Variants in PCDHGA1 observed in about 807,000 individuals in gnomAD.
PCDHGA1 encodes the protein protocadherin gamma subfamily A, 1, also known as protocadherin gamma-A1.
In PCDHGA1, 32 loss-of-function variants were observed where a neutral mutation model predicts 58.0. The observed-to-expected ratio is 0.55, with a 90% confidence interval of 0.42 to 0.74. The LOEUF (loss-of-function observed/expected upper bound fraction) is 0.74. Ranked by LOEUF, PCDHGA1 falls within the 30% of genes least tolerant of loss-of-function variation. PCDHGA1 has a pLI of 0.00. For synonymous variants in PCDHGA1, 498 were observed against 501.1 expected (o/e 0.99, Z 0.08); for missense variants, 1,205 against 1,182.3 (o/e 1.02, Z -0.28).
At chr5:141,482,840 G>A (rs1343123459) in intron 1 of PCDHGA1, among the ~76,000 whole-genome samples, 2 of 152,212 alleles carry the variant, frequency 1.3e-5, no homozygotes, top group Admixed American at 6.5e-5. Context: ...GGGAGGCCAA[G>A]GTGGGCAGAT....
At position 141,332,145 on chromosome 5, in the gene PCDHGA1, C is replaced by T. The variant is rs1292471123; in HGVS notation, c.1461C>T (p.Ile487=). ...TGGACAGCAATGAGAATGCACAAAT[C>T]ACTTACTCCCTAATAGAGGACACTA... The part of the protein sequence containing the change: ...HDLDSNENAQ[I]TYSLIEDTIQ... The change falls in exon 1 of 4, where the codon ATC becomes ATT. Residue 487 remains isoleucine, a synonymous_variant. Coordinates refer to ENST00000517417, the MANE Select transcript of PCDHGA1 (RefSeq NM_018912.3). The surrounding 1 kb of genome is among the most constrained non-coding windows in gnomAD (Gnocchi z 4.6). 5 of 1,614,188 alleles carry T rather than the reference C, an allele frequency of 3.1e-6. No homozygotes were observed. The highest frequency in any genetic ancestry group is 4.2e-6 in the Non-Finnish European group (5 of 1,180,030).
intron 1 of PCDHGA1, among the ~76,000 whole-genome samples, chr5:141,445,923 T>C (rs1169404585): frequency 6.6e-6 from 1 of 152,200 alleles, no homozygotes; most frequent in Non-Finnish European, 1.5e-5. Context: ...AGTGACAAGA[T>C]ATTTGAATTA....
At chr5:141,451,050 G>A (rs915545429) in intron 1 of PCDHGA1, among the ~76,000 whole-genome samples, 6 of 151,352 alleles carry the variant, frequency 4.0e-5, no homozygotes, top group South Asian at 4.2e-4. Flanking sequence ...GGCTGGTCTC[G>A]AACTCCTGAC....
At chr5:141,340,655 A>G (rs1247103307) in intron 1 of PCDHGA1, 2 of 1,613,988 alleles carry the variant, frequency 1.2e-6, no homozygotes, top group Non-Finnish European at 1.7e-6. Flanking sequence ...CGCGCCCGAG[A>G]TCCTGTACCC....
At chr5:141,352,793 C>A in intron 1 of PCDHGA1, 1 of 972,824 alleles carries the variant, frequency 1.0e-6, no homozygotes. Flanking sequence ...AGTTTGAGAC[C>A]AGCATAGCCA....
At chr5:141,421,504 C>G (rs757410882) in intron 1 of PCDHGA1, 1 of 1,614,062 alleles carries the variant, frequency 6.2e-7, no homozygotes, top group South Asian at 1.1e-5. Flanking sequence ...CAGGATAGAC[C>G]GGGAGGAGCT....
chr5:141,360,998 T>C, intron 1 of PCDHGA1: 1 of 1,613,390 alleles, frequency 6.2e-7, no homozygotes, highest in Non-Finnish European at 8.5e-7. Context: ...GACGAACAAG[T>C]GAAACACTTT....
chr5:141,511,351 C>T lies in PCDHGA1; in HGVS notation c.*178C>T. The T allele has an allele frequency of 3.6e-6, 5 of 1,386,550 alleles. No individual in the cohort carries two copies. Among genetic ancestry groups the T allele is most frequent in the South Asian group, 1.5e-5 (1 of 67,154 alleles). The allele number at this position is 1,386,550 out of a possible 1,614,324, so 85.9% of individuals were successfully genotyped here. On this transcript the variant is annotated 3_prime_UTR_variant, in exon 4 of 4. Transcript: ENST00000517417. ...CCAGTCAGCACCTACCCCTTCCCCC[C>T]CAGGGGGTTGAATATGCAAAAGCAG...
chr5:141,376,399 GC>G, intron 1 of PCDHGA1: 4 of 1,614,182 alleles, frequency 2.5e-6, no homozygotes, highest in Non-Finnish European at 3.4e-6. Context: ...TTTTCCCCCA[GC>G]CCAACTATGC....
intron 1 of PCDHGA1, chr5:141,375,926 G>A: frequency 3.1e-6 from 5 of 1,613,758 alleles, no homozygotes; most frequent in African/African-American, 1.3e-5. Context: ...CAGCGAGCCA[G>A]GACTTTTCTC....
At chr5:141,339,268 C>G in intron 1 of PCDHGA1, 7 of 1,614,208 alleles carry the variant, frequency 4.3e-6, no homozygotes, top group Non-Finnish European at 4.2e-6. Flanking sequence ...GCGCTCAGAG[C>G]GCACCCTGTC....
At chr5:141,421,985 C>A (rs762388624) in intron 1 of PCDHGA1, 1 of 1,608,432 alleles carries the variant, frequency 6.2e-7, no homozygotes, top group East Asian at 2.2e-5. Flanking sequence ...GTGAGTGTTC[C>A]AGAAAACATC....
chr5:141,365,104 C>A (rs775966290), intron 1 of PCDHGA1: 1 of 1,613,874 alleles, frequency 6.2e-7, no homozygotes, highest in Non-Finnish European at 8.5e-7. Flanking sequence ...TACCTGTGGG[C>A]ACTCGGCTGC....
Position 141,350,877 on chromosome 5 carries a change from G to A in PCDHGA1, c.2421+17772G>A, listed in dbSNP as rs749871543. The A allele has an allele frequency of 6.8e-6, 11 of 1,613,904 alleles. No individual in the cohort carries two copies. In the African/African-American group the frequency reaches 9.3e-5, roughly 14 times the overall value. ...GACAGGGAACATCAGAGCTCTCATC[G>A]CTTAATCCTGACTGCCATGGATGGC... On this transcript the variant is annotated intron_variant, in intron 1 of 3. Coordinates refer to ENST00000517417, the MANE Select transcript of PCDHGA1 (RefSeq NM_018912.3).
At chr5:141,445,612 CT>C (rs996122021) in intron 1 of PCDHGA1, among the ~76,000 whole-genome samples, 1 of 151,994 alleles carries the variant, frequency 6.6e-6, no homozygotes, top group Non-Finnish European at 1.5e-5. Flanking sequence ...GGAAGGCTTT[CT>C]TTTTTTCGGA....
chr5:141,481,877 G>A (rs535267598), intron 1 of PCDHGA1, among the ~76,000 whole-genome samples: 4 of 144,402 alleles, frequency 2.8e-5, no homozygotes, highest in African/African-American at 7.8e-5. Context: ...TCGCGCCACT[G>A]CACTCCAGCC....
At chr5:141,466,376 C>A (rs1046432765) in intron 1 of PCDHGA1, among the ~76,000 whole-genome samples, 1 of 151,904 alleles carries the variant, frequency 6.6e-6, no homozygotes, top group Non-Finnish European at 1.5e-5. Flanking sequence ...GTTTTGGCAC[C>A]CATCTAATGG....
At chr5:141,434,194 GTACT>G (rs527775432) in intron 1 of PCDHGA1, among the ~76,000 whole-genome samples, 169 of 152,308 alleles carry the variant, frequency 1.1e-3, no homozygotes, top group African/African-American at 3.9e-3. Flanking sequence ...TAATTCCAAT[GTACT>G]TACTTCTGTC....
At chr5:141,364,990 G>T in intron 1 of PCDHGA1, 1 of 1,613,862 alleles carries the variant, frequency 6.2e-7, no homozygotes, top group South Asian at 1.1e-5. Flanking sequence ...GCGGAGACCC[G>T]GTACTCTCCG....
Sources: gnomAD v4.1 joint callset for allele counts (sites outside exome capture counted in the v4.1 genomes callset) on GRCh38, gnomAD v4.1.1 for gene constraint, Gnocchi (gnomAD v3.1) non-coding constraint, MANE v1.5 for transcripts, NCBI Gene and HGNC (gene_info 2026-07-23, HGNC 2026-07-21) for gene names.